Variants in FAT3 observed in about 807,000 individuals in gnomAD.
FAT3 encodes the protein FAT atypical cadherin 3, also known as protocadherin Fat 3.
In FAT3, 95 loss-of-function variants were observed where a neutral mutation model predicts 310.2. The ratio of observed to expected loss-of-function variants is 0.31; its 90% confidence interval spans 0.26 to 0.36. FAT3 has a LOEUF of 0.36. Ranked by LOEUF, FAT3 falls within the 10% of genes least tolerant of loss-of-function variation. FAT3 has a pLI of 1.00. For synonymous variants in FAT3, 2,314 were observed against 2,192.9 expected (o/e 1.06, Z -1.54); for missense variants, 5,408 against 5,715.6 (o/e 0.95, Z 1.74).
intron 1 of FAT3, among the ~76,000 whole-genome samples, chr11:92,256,451 A>G (rs1037053890): frequency 9.2e-5 from 14 of 152,016 alleles, no homozygotes; most frequent in African/African-American, 2.9e-4. Context: ...TAGAGTTGAT[A>G]AAACACTGTG....
intron 3 of FAT3, among the ~76,000 whole-genome samples, chr11:92,602,886 T>G (rs923396220): frequency 2.0e-5 from 3 of 152,214 alleles, no homozygotes; most frequent in Admixed American, 6.5e-5. Flanking sequence ...TGGTAAATTT[T>G]TATTTCATGT....
intron 1 of FAT3, among the ~76,000 whole-genome samples, chr11:92,290,527 C>G (rs1946662908): frequency 6.6e-6 from 1 of 152,020 alleles, no homozygotes. Context: ...GAGGCTGAGG[C>G]AGGTGGATCA....
chr11:92,699,748 A>G (rs2135914063), intron 4 of FAT3, among the ~76,000 whole-genome samples: 1 of 152,322 alleles, frequency 6.6e-6, no homozygotes, highest in African/African-American at 2.4e-5. Flanking sequence ...ATAGCAATTA[A>G]CAACTTTATA....
chr11:92,618,921 G>A (rs1453228992), intron 3 of FAT3, among the ~76,000 whole-genome samples: 1 of 151,376 alleles, frequency 6.6e-6, no homozygotes, highest in African/African-American at 2.4e-5. Flanking sequence ...TCTTATTCTT[G>A]ATCTCAGGAA....
At chr11:92,659,571 T>A (rs1177224345) in intron 3 of FAT3, among the ~76,000 whole-genome samples, 1 of 152,186 alleles carries the variant, frequency 6.6e-6, no homozygotes, top group Non-Finnish European at 1.5e-5. Flanking sequence ...ATTTTGCAGA[T>A]GAAAAATTCA....
intron 3 of FAT3, among the ~76,000 whole-genome samples, chr11:92,626,372 G>C (rs1483278538): frequency 6.6e-6 from 1 of 151,990 alleles, no homozygotes; most frequent in Admixed American, 6.5e-5. Context: ...AGGTGAGAGA[G>C]ATCCAAAAAA....
intron 3 of FAT3, among the ~76,000 whole-genome samples, chr11:92,525,286 A>G (rs556434418): frequency 3.9e-5 from 6 of 152,274 alleles, no homozygotes; most frequent in African/African-American, 1.4e-4. Context: ...GCTGGATTCT[A>G]TGAGCAAGCT....
At chr11:92,616,210 T>C (rs1940796685) in intron 3 of FAT3, among the ~76,000 whole-genome samples, 1 of 152,252 alleles carries the variant, frequency 6.6e-6, no homozygotes, top group African/African-American at 2.4e-5. Flanking sequence ...CTTGTTGAAT[T>C]GATCCCTTTA....
At position 92,224,977 on chromosome 11, in the gene FAT3, C is replaced by A. The variant is rs978532576; in HGVS notation, c.-215C>A. 6.6e-6 allele frequency among the ~76,000 whole-genome samples: 1 copy of A among 152,120 alleles called. No homozygotes were observed. Among genetic ancestry groups the A allele is most frequent in the East Asian group, 1.9e-4 (1 of 5,156 alleles). On this transcript the variant is annotated 5_prime_UTR_variant, in exon 1 of 28. Transcript: ENST00000525166. Reference sequence around the variant, plus strand: ...TCGGCTCCCCTCCTCCGCTTGCGAACCCCCGGCGGCGGCGGCGGCGGCGTC... The same window carrying A: ...TCGGCTCCCCTCCTCCGCTTGCGAAACCCCGGCGGCGGCGGCGGCGGCGTC...
At chr11:92,474,873 G>T (rs879265104) in intron 2 of FAT3, among the ~76,000 whole-genome samples, 8 of 152,202 alleles carry the variant, frequency 5.3e-5, no homozygotes, top group Non-Finnish European at 7.3e-5. Context: ...CTAAAAATGT[G>T]CTTGGCTATC....
In FAT3 at chr11:92,524,661, A is replaced by T; in HGVS notation, c.3320A>T (p.Asp1107Val). ...GTCATCACTGCCGCAGACATTCTTGATCGGGAGACAATGGGGTCATACTGG... is the reference window on the plus strand; with the variant it reads ...GTCATCACTGCCGCAGACATTCTTGTTCGGGAGACAATGGGGTCATACTGG... ...SGVITAADIL[D>V]RETMGSYWLT... The change falls in exon 3 of 28, where the codon GAT becomes GTT. Residue 1107 changes from aspartate to valine, a missense_variant. Transcript: ENST00000525166. 1 of 1,613,450 alleles carries T rather than the reference A, an allele frequency of 6.2e-7. No homozygotes were observed. The highest frequency in any genetic ancestry group is 8.5e-7 in the Non-Finnish European group (1 of 1,179,568).
chr11:92,309,529 C>T (rs1007129748), intron 1 of FAT3, among the ~76,000 whole-genome samples: 7 of 152,132 alleles, frequency 4.6e-5, no homozygotes, highest in Non-Finnish European at 8.8e-5. Context: ...AAACACTTCA[C>T]CTTCGGGAAA....
intron 19 of FAT3, among the ~76,000 whole-genome samples, chr11:92,856,172 A>G (rs753936237): frequency 6.6e-6 from 1 of 152,068 alleles, no homozygotes; most frequent in Non-Finnish European, 1.5e-5. Context: ...TGATAAGGAA[A>G]GACTTAGGAT....
Position 92,353,000 on chromosome 11 carries a change from A to G in FAT3, c.888A>G (p.Gly296=), listed in dbSNP as rs1948612971. Residue 296 remains glycine (G), a synonymous_variant, in exon 2 of 28, where the codon GGA becomes GGG. Transcript: ENST00000525166. ...ATGACTTAGATGATGGAGCGAATGG[A>G]GAGATCGAATCTGTTTCCATTGTGG... The part of the protein sequence containing the change: ...TVDDLDDGAN[G]EIESVSIVAG... 1 of 1,613,770 alleles carries G rather than the reference A, an allele frequency of 6.2e-7. No homozygotes were observed. The highest frequency in any genetic ancestry group is 1.7e-5 in the Admixed American group (1 of 59,932).
intron 4 of FAT3, among the ~76,000 whole-genome samples, chr11:92,728,140 A>G (rs7107873): frequency 0.013 from 1,971 of 152,294 alleles, 46 homozygotes; most frequent in African/African-American, 0.044. Flanking sequence ...CTCGGAGGCT[A>G]TTTCTGAAAT....
chr11:92,397,753 G>T (rs1299611131), intron 2 of FAT3, among the ~76,000 whole-genome samples: 5 of 148,912 alleles, frequency 3.4e-5, no homozygotes, highest in Non-Finnish European at 4.4e-5. Flanking sequence ...CTCCTTCCCA[G>T]AATTTTTTTT....
chr11:92,574,988 C>T (rs1171182747), intron 3 of FAT3, among the ~76,000 whole-genome samples: 3 of 152,080 alleles, frequency 2.0e-5, no homozygotes, highest in Non-Finnish European at 4.4e-5. Context: ...CACTTAGATT[C>T]GGGTCTGATG....
intron 1 of FAT3, among the ~76,000 whole-genome samples, chr11:92,329,033 A>G (rs981070261): frequency 6.6e-6 from 1 of 152,118 alleles, no homozygotes; most frequent in Non-Finnish European, 1.5e-5. Context: ...AAAATATACT[A>G]TCTTTCTCTT....
rs186856894 is a variant in FAT3 at position 92,868,747 on chromosome 11, G to A, written c.12127+1538G>A. ...AATAATAATAATAATCACTGTATGAGGGAAAGAGACTAGGGAATCTTGCTT... is the reference window on the plus strand; with the variant it reads ...AATAATAATAATAATCACTGTATGAAGGAAAGAGACTAGGGAATCTTGCTT... On this transcript the variant is annotated intron_variant, in intron 22 of 27. Coordinates refer to ENST00000525166, the MANE Select transcript of FAT3 (RefSeq NM_001367949.2). Among the ~76,000 whole-genome samples, 13 of 152,248 alleles carry A rather than the reference G, an allele frequency of 8.5e-5. No homozygotes were observed. In the East Asian group the frequency reaches 2.5e-3, roughly 29 times the overall value.
Sources: gnomAD v4.1 joint callset for allele counts (sites outside exome capture counted in the v4.1 genomes callset) on GRCh38, gnomAD v4.1.1 for gene constraint, MANE v1.5 for transcripts, NCBI Gene and HGNC (gene_info 2026-07-23, HGNC 2026-07-21) for gene names.